The following PDZD2 variants were observed in gnomAD, a reference collection of about 807,000 sequenced individuals.
PDZD2 encodes the protein PDZ domain containing 2.
Under a neutral mutation model 220.7 loss-of-function variants are expected in PDZD2, and 90 were observed. The ratio of observed to expected loss-of-function variants is 0.41; its 90% CI spans 0.34 to 0.49. The LOEUF (loss-of-function observed/expected upper bound fraction) is 0.49. Ranked by LOEUF, PDZD2 falls within the 20% of genes least tolerant of loss-of-function variation. The pLI, the probability that PDZD2 is intolerant of heterozygous loss-of-function variation, is 0.28. For synonymous variants in PDZD2, 1,375 were observed against 1,450.5 expected (o/e 0.95, Z 1.18); for missense variants, 3,174 against 3,608.5 (o/e 0.88, Z 3.08).
At chr5:32,063,132 C>T (rs1739850540) in intron 14 of PDZD2, among the ~76,000 whole-genome samples, 1 of 151,772 alleles carries the variant, frequency 6.6e-6, no homozygotes, top group African/African-American at 2.4e-5. Flanking sequence ...GCAACCTCTG[C>T]CTCCTGGGTT....
chr5:31,828,796 C>T (rs1756382471), intron 2 of PDZD2, among the ~76,000 whole-genome samples: 1 of 152,220 alleles, frequency 6.6e-6, no homozygotes, highest in South Asian at 2.1e-4. Context: ...CCACCATGCC[C>T]AGCTAGAAAT....
chr5:31,981,134 A>G (rs1351894076), intron 2 of PDZD2, among the ~76,000 whole-genome samples: 1 of 152,090 alleles, frequency 6.6e-6, no homozygotes, highest in Non-Finnish European at 1.5e-5. Flanking sequence ...TTGCACGGTG[A>G]CCTGGCGTCT....
At chr5:31,752,073 G>GTTTTGTTTTTTTT (rs1751018299) in intron 1 of PDZD2, among the ~76,000 whole-genome samples, 3 of 95,064 alleles carry the variant, frequency 3.2e-5, no homozygotes, top group African/African-American at 1.3e-4. Flanking sequence ...TTTTGGGTTT[G>GTTTTGTTTTTTTT]TTTTTTTTTT....
intron 3 of PDZD2, among the ~76,000 whole-genome samples, chr5:31,990,097 C>T (rs985601276): frequency 3.3e-5 from 5 of 152,190 alleles, no homozygotes; most frequent in Admixed American, 6.5e-5. Context: ...GGTAAGCAAA[C>T]GGTTTCAGAA....
At chr5:31,765,630 A>T (rs1751954167) in intron 1 of PDZD2, among the ~76,000 whole-genome samples, 1 of 152,122 alleles carries the variant, frequency 6.6e-6, no homozygotes. Flanking sequence ...TCCCCAAACC[A>T]TCTCCAAACT....
chr5:31,821,446 T>A (rs563941651), intron 2 of PDZD2, among the ~76,000 whole-genome samples: 11 of 151,940 alleles, frequency 7.2e-5, no homozygotes, highest in Non-Finnish European at 1.6e-4. Flanking sequence ...AATGGCGCGA[T>A]CTTGGCTCAC....
intron 2 of PDZD2, among the ~76,000 whole-genome samples, chr5:31,924,489 C>T (rs1262054448): frequency 6.6e-6 from 1 of 152,208 alleles, no homozygotes; most frequent in Non-Finnish European, 1.5e-5. Context: ...CCTGATTCCC[C>T]CAGCCCATGG....
chr5:31,720,884 T>C (rs1287264490), intron 1 of PDZD2, among the ~76,000 whole-genome samples: 2 of 152,160 alleles, frequency 1.3e-5, no homozygotes, highest in African/African-American at 2.4e-5. Flanking sequence ...TAGGGTAATA[T>C]TTTTAGGTTT....
intron 1 of PDZD2, among the ~76,000 whole-genome samples, chr5:31,755,272 C>T (rs1450976444): frequency 6.6e-6 from 1 of 152,054 alleles, no homozygotes; most frequent in Non-Finnish European, 1.5e-5. Context: ...TTTTTTGTTT[C>T]TGTTATGGAT....
intron 1 of PDZD2, among the ~76,000 whole-genome samples, chr5:31,702,471 C>A (rs548291286): frequency 2.6e-4 from 39 of 152,338 alleles, no homozygotes; most frequent in Non-Finnish European, 4.3e-4. Context: ...TTCCCAAGGA[C>A]ATGCATTGAC....
At chr5:31,725,715 G>A in intron 1 of PDZD2, 1 of 885,026 alleles carries the variant, frequency 1.1e-6, no homozygotes, top group Non-Finnish European at 1.9e-6. Context: ...GTTTTGGTAT[G>A]AGATGCAGGC....
At chr5:32,107,644 T>C (rs1744911389) in intron 24 of PDZD2, among the ~76,000 whole-genome samples, 1 of 152,200 alleles carries the variant, frequency 6.6e-6, no homozygotes, top group Non-Finnish European at 1.5e-5. Context: ...AACTTTATTT[T>C]GTGTTATTCT....
intron 1 of PDZD2, among the ~76,000 whole-genome samples, chr5:31,720,451 T>G (rs1302555789): frequency 6.6e-6 from 1 of 152,198 alleles, no homozygotes; most frequent in East Asian, 1.9e-4. Context: ...ATAGGGAAAC[T>G]TCCCCTTTGC....
chr5:31,762,644 T>G (rs760997076), intron 1 of PDZD2, among the ~76,000 whole-genome samples: 4 of 152,212 alleles, frequency 2.6e-5, no homozygotes, highest in Non-Finnish European at 5.9e-5. Context: ...TGTGACTGTT[T>G]GACACTTGAA....
chr5:32,058,911 G>A (rs1018190637), intron 12 of PDZD2, among the ~76,000 whole-genome samples: 1 of 152,130 alleles, frequency 6.6e-6, no homozygotes, highest in Non-Finnish European at 1.5e-5. Context: ...GCAAAAGAAA[G>A]CTTGAGTTTG....
At chr5:31,895,970 C>G (rs1214019900) in intron 2 of PDZD2, among the ~76,000 whole-genome samples, 1 of 152,142 alleles carries the variant, frequency 6.6e-6, no homozygotes, top group Non-Finnish European at 1.5e-5. Flanking sequence ...TGTAACCCCC[C>G]CAGCCACACT....
In PDZD2 at chr5:32,087,201, G is replaced by A; in HGVS notation, c.3753G>A (p.Lys1251=). The A allele has an allele frequency of 6.2e-7, 1 of 1,614,026 alleles. No homozygotes were observed. Among genetic ancestry groups the A allele is most frequent in the Non-Finnish European group, 8.5e-7 (1 of 1,179,918 alleles). ...KKGAAHPDPS[K]TSVDTGQVSR... The stretch of plus-strand genomic sequence containing the variant: ...GGGCCGCTCATCCTGACCCCAGCAA[G>A]ACCTCTGTAGACACAGGGCAAGTCA... The change falls in exon 20 of 25, where the codon AAG becomes AAA. Residue 1251 remains lysine (K), a synonymous_variant. Coordinates refer to ENST00000438447, the MANE Select transcript of PDZD2 (RefSeq NM_178140.4). This position sits in a 1 kb window ranked among gnomAD's most constrained non-coding sequence, Gnocchi z 4.0.
chr5:32,018,832 C>G, intron 6 of PDZD2, among the ~76,000 whole-genome samples: 1 of 152,148 alleles, frequency 6.6e-6, no homozygotes. Context: ...ATTGCCAGAG[C>G]AAGATAGGAA....
At chr5:31,857,198 C>CA (rs1455957621) in intron 2 of PDZD2, among the ~76,000 whole-genome samples, 1 of 152,098 alleles carries the variant, frequency 6.6e-6, no homozygotes, top group South Asian at 2.1e-4. Flanking sequence ...CAACTCTTTG[C>CA]ACTTATTTCT....
Sources: allele counts gnomAD v4.1 joint callset (sites outside exome capture counted in the v4.1 genomes callset), GRCh38; gene constraint gnomAD v4.1.1; non-coding constraint Gnocchi (gnomAD v3.1); transcripts MANE v1.5; gene names NCBI Gene and HGNC (gene_info 2026-07-23, HGNC 2026-07-21).